INTS7: variants seen among roughly 807,000 people sequenced by gnomAD.
INTS7 encodes the protein integrator complex subunit 7, also known as chromosome 1 open reading frame 73.
INTS7 carries 46 observed loss-of-function variants against 109.2 expected under a neutral mutation model. That is an observed-to-expected ratio of 0.42 (90% CI 0.33 to 0.54). INTS7 has a LOEUF of 0.54. INTS7 is among the 20% of genes least tolerant of loss of function. INTS7 has a pLI of 0.07. For synonymous variants in INTS7, 412 were observed against 402.9 expected, an observed-to-expected ratio of 1.02 and a Z score of -0.27; for missense variants, 929 against 1,132.4, an observed-to-expected ratio of 0.82 and a Z score of 2.58.
chr1:212,021,055 A>G, intron 2 of INTS7, 28 bp downstream of exon 2: 1 of 1,579,494 alleles, frequency 6.3e-7, no homozygotes, highest in Non-Finnish European at 8.6e-7. Context: ...AAAGTACTTT[A>G]GGACATCGAG....
Position 211,987,964 on chromosome 1 carries a change from A to G in INTS7, c.919T>C (p.Leu307=). Reference sequence around the variant, plus strand: ...AGGACAGACAACATCCCTAGTTTTAAGCTGTCATAAGGAGTCTGGAGGGCA... The same window carrying G: ...AGGACAGACAACATCCCTAGTTTTAGGCTGTCATAAGGAGTCTGGAGGGCA... ...ECALQTPYDS[L]KLGMLSVLST... Residue 307 remains leucine, a synonymous_variant, in exon 8 of 20, where the codon TTA becomes CTA. Coordinates refer to ENST00000366994, the MANE Select transcript of INTS7 (RefSeq NM_015434.4). 6.2e-7 allele frequency: 1 copy of G among 1,612,362 alleles called. No homozygotes were observed. Among genetic ancestry groups the G allele is most frequent in the Non-Finnish European group, 8.5e-7 (1 of 1,178,508 alleles).
chr1:212,027,920 G>A (rs1414986687), intron 1 of INTS7, among the ~76,000 whole-genome samples: 4 of 151,972 alleles, frequency 2.6e-5, no homozygotes, highest in South Asian at 2.1e-4. Flanking sequence ...TCCGCCCCCC[G>A]GGTTCAAGTG....
chr1:212,006,832 T>C, intron 6 of INTS7, 71 bp from the exon 7 acceptor site: 2 of 1,283,426 alleles, frequency 1.6e-6, no homozygotes, highest in South Asian at 1.6e-5. Context: ...CAGTGTAGTT[T>C]AGTGAAACTT....
intron 19 of INTS7, among the ~76,000 whole-genome samples, chr1:211,943,072 T>C (rs1393559846): frequency 6.6e-6 from 1 of 152,168 alleles, no homozygotes; most frequent in Non-Finnish European, 1.5e-5. Flanking sequence ...GAATTATTTA[T>C]AGTACAGGTA....
Position 211,981,238 on chromosome 1 carries a change from A to G in INTS7, c.1133-48T>C, listed in dbSNP as rs191140457. ...TATGATGGTCAAGTGATGTGTGTAC[A>G]AACACACACACATATACATGCATAC... On this transcript the variant is annotated intron_variant, in intron 9 of 19. Coordinates refer to ENST00000366994, the MANE Select transcript of INTS7 (RefSeq NM_015434.4). 2,033 of 1,141,010 alleles carry G rather than the reference A, an allele frequency of 1.8e-3. 6 individuals carry two copies. Among genetic ancestry groups the G allele is most frequent in the Admixed American group, 2.5e-3 (147 of 58,456 alleles). The allele number at this position is 1,141,010 out of a possible 1,614,324, so 70.7% of individuals were successfully genotyped here.
chr1:211,953,655 G>GT (rs1483327830), intron 16 of INTS7, among the ~76,000 whole-genome samples: 46 of 149,200 alleles, frequency 3.1e-4, no homozygotes, highest in African/African-American at 1.0e-3. Context: ...GCGGTGTTTG[G>GT]TTTTTTGTCC....
At chr1:211,955,257 T>A (rs1663310999) in intron 16 of INTS7, among the ~76,000 whole-genome samples, 1 of 152,212 alleles carries the variant, frequency 6.6e-6, no homozygotes, top group South Asian at 2.1e-4. Context: ...TCCTGAGACT[T>A]TGCTGAAGTT....
At chr1:211,952,850 AGG>A in intron 16 of INTS7, 149 bp from the exon 17 acceptor site, 1 of 775,390 alleles carries the variant, frequency 1.3e-6, no homozygotes, top group Non-Finnish European at 2.0e-6. Flanking sequence ...AGGCTAGGAG[AGG>A]GTAAGTAGTT....
chr1:212,014,268 G>A (rs933625922), intron 4 of INTS7, among the ~76,000 whole-genome samples: 1 of 151,642 alleles, frequency 6.6e-6, no homozygotes, highest in Non-Finnish European at 1.5e-5. Context: ...AGTTCAAGAC[G>A]AGCCTGGCCA....
chr1:211,980,316 C>T (rs772151557), intron 10 of INTS7, among the ~76,000 whole-genome samples: 3 of 152,218 alleles, frequency 2.0e-5, no homozygotes, highest in Admixed American at 6.5e-5. Flanking sequence ...GACAAGCTAA[C>T]GCCAATGTTT....
chr1:212,030,692 C>T (rs144003906), intron 1 of INTS7: 81 of 152,316 alleles, frequency 5.3e-4, no homozygotes, highest in African/African-American at 1.9e-3. Flanking sequence ...GTGTGGGTCA[C>T]ATGCCTACTT....
chr1:212,018,829 A>T (rs1666563668), intron 3 of INTS7, among the ~76,000 whole-genome samples: 1 of 152,220 alleles, frequency 6.6e-6, no homozygotes, highest in Non-Finnish European at 1.5e-5. Flanking sequence ...ATTTTTCCCC[A>T]ATTTTTCATT....
chr1:212,030,310 T>C (rs1215312782), intron 1 of INTS7, among the ~76,000 whole-genome samples: 3 of 151,122 alleles, frequency 2.0e-5, no homozygotes, highest in East Asian at 1.9e-4. Context: ...TTTTTTGAGA[T>C]GGAGTTTCAT....
intron 16 of INTS7, among the ~76,000 whole-genome samples, chr1:211,962,260 T>TAAAAAAAAAAAAAAA (rs35134976): frequency 4.3e-4 from 34 of 79,302 alleles, no homozygotes; most frequent in African/African-American, 4.7e-4. Context: ...CAACAAAGAT[T>TAAAAAAAAAAAAAAA]AAAAAAAAAA....
At chr1:211,971,968 A>G (rs970675514) in intron 13 of INTS7, among the ~76,000 whole-genome samples, 10 of 151,618 alleles carry the variant, frequency 6.6e-5, no homozygotes, top group Admixed American at 3.9e-4. Flanking sequence ...AGAAAAAATT[A>G]TAAAGAAAGG....
At chr1:211,971,931 A>G (rs1449331584) in intron 13 of INTS7, among the ~76,000 whole-genome samples, 9 of 148,224 alleles carry the variant, frequency 6.1e-5, no homozygotes, top group Admixed American at 4.0e-4. Flanking sequence ...AAAAAAAAAA[A>G]AAAAAGAAAA....
At chr1:212,010,132 C>T (rs1666101594) in intron 5 of INTS7, among the ~76,000 whole-genome samples, 1 of 152,176 alleles carries the variant, frequency 6.6e-6, no homozygotes, top group Non-Finnish European at 1.5e-5. Context: ...GCTCTATTTC[C>T]TTTCCTGTAA....
intron 13 of INTS7, among the ~76,000 whole-genome samples, chr1:211,973,459 G>A (rs553803766): frequency 1.3e-4 from 20 of 152,238 alleles, no homozygotes; most frequent in African/African-American, 4.8e-4. Flanking sequence ...CATAAACAAA[G>A]AATTTTGAAC....
At chr1:211,978,121 ACAT>A (rs1664496983) in intron 11 of INTS7, 148 bp downstream of exon 11, 1 of 883,528 alleles carries the variant, frequency 1.1e-6, no homozygotes, top group African/African-American at 1.7e-5. Flanking sequence ...TTCTATTTTG[ACAT>A]CAGCACACTC....
Sources: gnomAD v4.1 joint callset for allele counts (sites outside exome capture counted in the v4.1 genomes callset) on GRCh38, gnomAD v4.1.1 for gene constraint, MANE v1.5 for transcripts, NCBI Gene and HGNC (gene_info 2026-07-23, HGNC 2026-07-21) for gene names.